Variants in PPARG observed in about 807,000 individuals in gnomAD.
The protein encoded by PPARG is peroxisome proliferator-activated receptor gamma.
In PPARG, 17 loss-of-function variants were observed where a neutral mutation model predicts 39.2. The ratio of observed to expected loss-of-function variants is 0.43; its 90% CI spans 0.30 to 0.65. The LOEUF is 0.65. PPARG is among the 30% of genes least tolerant of loss of function. The pLI is 0.13. For synonymous variants in PPARG, 223 were observed against 215.7 expected, an observed-to-expected ratio of 1.03 and a Z score of -0.30; for missense variants, 406 against 585.9, an observed-to-expected ratio of 0.69 and a Z score of 3.17.
At chr3:12,339,550 C>T (rs1336541139) in intron 2 of PPARG, among the ~76,000 whole-genome samples, 8 of 152,150 alleles carry the variant, frequency 5.3e-5, no homozygotes, top group Non-Finnish European at 7.3e-5. Context: ...GATATTTTCG[C>T]CCTTGACCCT....
At chr3:12,383,265 A>G (rs939294787) in intron 4 of PPARG, among the ~76,000 whole-genome samples, 4 of 152,190 alleles carry the variant, frequency 2.6e-5, no homozygotes. Context: ...CTGGCAAGAG[A>G]TGCTTTCATT....
At chr3:12,363,014 G>A (rs1005432756) in intron 2 of PPARG, among the ~76,000 whole-genome samples, 1 of 151,940 alleles carries the variant, frequency 6.6e-6, no homozygotes, top group African/African-American at 2.4e-5. Flanking sequence ...CAACCTCCTG[G>A]GCTCAAGTGA....
intron 2 of PPARG, among the ~76,000 whole-genome samples, chr3:12,327,089 A>T (rs1294177324): frequency 6.6e-6 from 1 of 152,206 alleles, no homozygotes; most frequent in Non-Finnish European, 1.5e-5. Context: ...TTTGGGAGTT[A>T]CCTTGAAAGA....
intron 5 of PPARG, among the ~76,000 whole-genome samples, chr3:12,399,855 T>C (rs972622332): frequency 6.8e-6 from 1 of 146,038 alleles, no homozygotes. Context: ...CTGGGCATGG[T>C]CATGTGTGCC....
chr3:12,350,545 A>T (rs1424787044), intron 2 of PPARG, among the ~76,000 whole-genome samples: 1 of 152,206 alleles, frequency 6.6e-6, no homozygotes, highest in Non-Finnish European at 1.5e-5. Flanking sequence ...CTGCAATTCT[A>T]ATAGGCCACT....
chr3:12,301,325 G>A (rs2046920556), intron 1 of PPARG, among the ~76,000 whole-genome samples: 1 of 152,130 alleles, frequency 6.6e-6, no homozygotes, highest in South Asian at 2.1e-4. Context: ...AGTACAAAAT[G>A]TTATTCAGAC....
chr3:12,374,027 G>C (rs1385778292), intron 2 of PPARG, among the ~76,000 whole-genome samples: 2 of 152,168 alleles, frequency 1.3e-5, no homozygotes, highest in Non-Finnish European at 2.9e-5. Context: ...CACCAGATAT[G>C]CCAAGAATGG....
chr3:12,419,044 A>G (rs553896321), intron 7 of PPARG, among the ~76,000 whole-genome samples: 1 of 152,280 alleles, frequency 6.6e-6, no homozygotes, highest in South Asian at 2.1e-4. Flanking sequence ...TCCCGGGTTC[A>G]AGGGATTCTC....
At position 12,310,791 on chromosome 3, in the gene PPARG, T is replaced by TAAA. The variant is rs761238501; in HGVS notation, c.-82-1558_-82-1556dup. Among the ~76,000 whole-genome samples the TAAA allele has an allele frequency of 5.9e-3, 297 of 50,352 alleles. 7 individuals carry two copies. Among genetic ancestry groups the TAAA allele is most frequent in the Middle Eastern group, 0.029 (1 of 34 alleles). 33.0% of individuals were successfully genotyped at this position (50,352 alleles called of 152,430 possible). On this transcript the variant is annotated intron_variant, in intron 1 of 7. Coordinates refer to ENST00000651735, the MANE Select transcript of PPARG (RefSeq NM_138711.6). ...CCCTTTTTAATAGTTGCCTTAAATG[T>TAAA]AAAAAAAAAAAAAAAAAAAAAAAAA...
chr3:12,316,600 A>T (rs1040688538), intron 2 of PPARG, among the ~76,000 whole-genome samples: 1 of 152,096 alleles, frequency 6.6e-6, no homozygotes, highest in African/African-American at 2.4e-5. Flanking sequence ...TATATTTTAT[A>T]CAGTTTTAAA....
intron 1 of PPARG, among the ~76,000 whole-genome samples, chr3:12,300,416 T>C (rs1195114767): frequency 1.1e-4 from 16 of 152,254 alleles, no homozygotes; most frequent in Admixed American, 1.0e-3. Context: ...ATGTAATTCA[T>C]GCTGTGTATT....
In PPARG at chr3:12,389,598, G is replaced by T. The variant is rs981021453; in HGVS notation, c.391-3016G>T. ...GACTGAGTACTTGGTAATCTCTCAAGAATGAGAGTGAGCCAGGCGTAGTGG... is the reference window on the plus strand; with the variant it reads ...GACTGAGTACTTGGTAATCTCTCAATAATGAGAGTGAGCCAGGCGTAGTGG... On this transcript the variant is annotated intron_variant, in intron 4 of 7. Transcript: ENST00000651735. Among the ~76,000 whole-genome samples, 3 of 152,290 alleles carry T rather than the reference G, an allele frequency of 2.0e-5. No homozygotes were observed. In the South Asian group the frequency reaches 6.2e-4, roughly 32 times the overall value.
intron 1 of PPARG, among the ~76,000 whole-genome samples, chr3:12,293,601 A>G (rs1442755912): frequency 6.6e-6 from 1 of 152,192 alleles, no homozygotes; most frequent in East Asian, 1.9e-4. Context: ...TTGCATGATT[A>G]CTGTGTATAG....
chr3:12,410,243 T>C (rs1276403961), intron 6 of PPARG, among the ~76,000 whole-genome samples: 1 of 152,210 alleles, frequency 6.6e-6, no homozygotes, highest in Non-Finnish European at 1.5e-5. Flanking sequence ...CTTTGTGCGC[T>C]CTGAAAACCA....
intron 2 of PPARG, among the ~76,000 whole-genome samples, chr3:12,319,140 C>T (rs944403727): frequency 2.0e-5 from 3 of 152,098 alleles, no homozygotes; most frequent in Middle Eastern, 3.2e-3. Context: ...CTCTCAAGCC[C>T]AAGGAATACA....
chr3:12,348,394 A>G (rs933241975), intron 2 of PPARG, among the ~76,000 whole-genome samples: 2 of 152,222 alleles, frequency 1.3e-5, no homozygotes, highest in Non-Finnish European at 2.9e-5. Flanking sequence ...AGCCAAAGAC[A>G]GGTTCTGTGA....
In PPARG at chr3:12,339,321, C is replaced by T. The variant is rs369671544; in HGVS notation, c.-9+26868C>T. ...GTCTGGGATTGGGGGTAGTAATTGG[C>T]GTTTGATTGTAAATCAGCATGACAG... On this transcript the variant is annotated intron_variant, in intron 2 of 7. Coordinates refer to ENST00000651735, the MANE Select transcript of PPARG (RefSeq NM_138711.6). 3.3e-5 allele frequency among the ~76,000 whole-genome samples: 5 copies of T among 152,122 alleles called. No individual in the cohort carries two copies. The South Asian group carries it at 6.2e-4, about 19-fold the overall frequency.
intron 2 of PPARG, among the ~76,000 whole-genome samples, chr3:12,334,810 T>C (rs2047964259): frequency 6.6e-6 from 1 of 152,252 alleles, no homozygotes; most frequent in South Asian, 2.1e-4. Flanking sequence ...GTTCACATTA[T>C]ATACTTTTAT....
chr3:12,343,207 A>G (rs747325581), intron 2 of PPARG, among the ~76,000 whole-genome samples: 1 of 152,170 alleles, frequency 6.6e-6, no homozygotes, highest in Non-Finnish European at 1.5e-5. Flanking sequence ...AATACCATGG[A>G]TTCTCATTCC....
Sources: allele counts gnomAD v4.1 joint callset (sites outside exome capture counted in the v4.1 genomes callset), GRCh38; gene constraint gnomAD v4.1.1; transcripts MANE v1.5; gene names NCBI Gene and HGNC (gene_info 2026-07-23, HGNC 2026-07-21).